The following CLCN5 variants were observed in gnomAD, a reference collection of about 807,000 sequenced individuals.
The protein encoded by CLCN5 is H(+)/Cl(-) exchange transporter 5.
A neutral mutation model predicts 54.0 loss-of-function variants in CLCN5; 17 were observed. The ratio of observed to expected loss-of-function variants is 0.31; its 90% confidence interval spans 0.22 to 0.47. CLCN5 has a LOEUF of 0.47. CLCN5 is among the 20% of genes least tolerant of loss of function. CLCN5 has a pLI of 1.00. For synonymous variants in CLCN5, 222 were observed against 233.0 expected (o/e 0.95, Z 0.43); for missense variants, 448 against 646.7 (o/e 0.69, Z 3.33).
chrX:50,067,655 C>A, intron 4 of CLCN5: 1 of 752,946 alleles, frequency 1.3e-6, no homozygotes, highest in African/African-American at 2.3e-5. Flanking sequence ...TAAAGCACTT[C>A]AGACTGGGGC....
In CLCN5 at chrX:50,095,967, A is replaced by G. The variant is rs782207290; in HGVS notation, c.*3748A>G. 3 of 112,121 alleles carry G rather than the reference A, an allele frequency of 2.7e-5. No homozygotes were observed. The highest frequency in any genetic ancestry group is 3.8e-5 in the Non-Finnish European group (2 of 53,226). 9.2% of individuals were successfully genotyped at this position (112,121 alleles called of 1,213,427 possible). On this transcript the variant is annotated 3_prime_UTR_variant, in exon 15 of 15. Coordinates refer to ENST00000376091, the MANE Select transcript of CLCN5 (RefSeq NM_001127898.4). The stretch of plus-strand genomic sequence containing the variant: ...TTGTTTTTAAATAATGAACAGTGCA[A>G]TCTTTGAACTTGAGTTTTTAATAAT...
Position 50,090,326 on chromosome X carries a change from C to A in CLCN5, c.1955C>A (p.Ala652Glu). ...AKEEFAHKTL[A>E]MDVMKPRRND... ...GAAGAGTTTGCTCATAAGACCCTGG[C>A]AATGGATGTGATGAAACCCCGGAGA... is the stretch of plus-strand genomic sequence containing the variant. The change falls in exon 13 of 15, where the codon GCA becomes GAA. Residue 652 changes from alanine (A) to glutamate (E), a missense_variant. Ala to Glu is a moderately radical substitution (Grantham distance 107, BLOSUM62 -1). Transcript: ENST00000376091. 8.3e-7 allele frequency: 1 copy of A among 1,211,109 alleles called. No homozygotes were observed. Among genetic ancestry groups the A allele is most frequent in the Non-Finnish European group, 1.1e-6 (1 of 895,025 alleles).
chrX:50,040,743 G>T (rs1397699068), intron 3 of CLCN5, among the ~76,000 whole-genome samples: 1 of 111,372 alleles, frequency 9.0e-6, no homozygotes, highest in Non-Finnish European at 1.9e-5. Flanking sequence ...CCAAGTCTTT[G>T]CCAATCAATC....
intron 3 of CLCN5, among the ~76,000 whole-genome samples, chrX:49,994,981 G>A (rs1929441303): frequency 8.9e-6 from 1 of 112,119 alleles, no homozygotes; most frequent in Non-Finnish European, 1.9e-5. Context: ...TCCCCAGATT[G>A]TCTAATTTGT....
chrX:50,079,860 G>C (rs2147574691), intron 7 of CLCN5, among the ~76,000 whole-genome samples: 1 of 111,139 alleles, frequency 9.0e-6, no homozygotes, highest in Admixed American at 9.6e-5. Context: ...AATAAGTCTA[G>C]AGAGGTAATG....
At chrX:49,953,946 C>T (rs946268973) in intron 3 of CLCN5, among the ~76,000 whole-genome samples, 13 of 111,406 alleles carry the variant, frequency 1.2e-4, no homozygotes, top group African/African-American at 3.3e-4. Context: ...TTAGTTACGA[C>T]GATGTTGGAC....
At chrX:50,007,467 CACACACAG>C (rs1381671257) in intron 3 of CLCN5, among the ~76,000 whole-genome samples, 8 of 105,797 alleles carry the variant, frequency 7.6e-5, no homozygotes, top group African/African-American at 3.0e-4. Flanking sequence ...CACACACACA[CACACACAG>C]AGAGAGTGGA....
At position 49,998,087 on chromosome X, in the gene CLCN5, C is replaced by T. The variant is rs1278123276; in HGVS notation, c.17-44229C>T. On this transcript the variant is annotated intron_variant, in intron 3 of 14. Coordinates refer to ENST00000376091, the MANE Select transcript of CLCN5 (RefSeq NM_001127898.4). ...AGTTAACATTTGGCACTGGCAGTGT[C>T]CAGACACTGAGCTCAGCACTGGTCA... Among the ~76,000 whole-genome samples, 4 of 110,971 alleles carry T rather than the reference C, an allele frequency of 3.6e-5. No homozygotes were observed. The East Asian group carries it at 1.1e-3, about 32-fold the overall frequency.
chrX:50,019,742 C>T (rs1557184128), intron 3 of CLCN5, among the ~76,000 whole-genome samples: 2 of 17,798 alleles, frequency 1.1e-4, no homozygotes, highest in African/African-American at 5.0e-4. Context: ...GTTTTTTGTT[C>T]TTGCGATAGT....
At position 50,029,444 on chromosome X, in the gene CLCN5, T is replaced by C. The variant is rs782687402; in HGVS notation, c.17-12872T>C. ...TGCAATAGTTTGCTGAGAATGATGG[T>C]TTCCAGCTTCATCCATGTCCCTACA... On this transcript the variant is annotated intron_variant, in intron 3 of 14. Transcript: ENST00000376091. Among the ~76,000 whole-genome samples, 40 of 110,472 alleles carry C rather than the reference T, an allele frequency of 3.6e-4. No homozygotes were observed. In the South Asian group the frequency reaches 0.016, roughly 44 times the overall value.
intron 3 of CLCN5, among the ~76,000 whole-genome samples, chrX:49,961,632 A>T (rs1477485903): frequency 8.9e-6 from 1 of 112,202 alleles, no homozygotes; most frequent in African/African-American, 3.2e-5. Context: ...TGTTTCAAGC[A>T]TCCTAATAAC....
intron 3 of CLCN5, among the ~76,000 whole-genome samples, chrX:49,999,134 G>A (rs1043344619): frequency 9.0e-6 from 1 of 110,691 alleles, no homozygotes; most frequent in Non-Finnish European, 1.9e-5. Flanking sequence ...CACAGATGAT[G>A]CACACAGGAG....
chrX:50,002,717 G>GGT (rs1557180645), intron 3 of CLCN5, among the ~76,000 whole-genome samples: 3 of 105,949 alleles, frequency 2.8e-5, no homozygotes, highest in African/African-American at 7.0e-5. Context: ...GTGTGTGTGT[G>GGT]GTGTGTGTGT....
chrX:49,950,634 T>TA (rs1417156879), intron 3 of CLCN5, among the ~76,000 whole-genome samples: 1 of 111,843 alleles, frequency 8.9e-6, no homozygotes, highest in Non-Finnish European at 1.9e-5. Flanking sequence ...GACAGCATGA[T>TA]AAAAAAATGT....
At chrX:49,965,157 G>C (rs1451409487) in intron 3 of CLCN5, among the ~76,000 whole-genome samples, 3 of 111,544 alleles carry the variant, frequency 2.7e-5, no homozygotes, top group Non-Finnish European at 3.8e-5. Flanking sequence ...AGGAGCATCA[G>C]AGTAACAAAG....
At chrX:49,974,823 G>A (rs181600266) in intron 3 of CLCN5, among the ~76,000 whole-genome samples, 185 of 112,179 alleles carry the variant, frequency 1.6e-3, no homozygotes, top group African/African-American at 5.8e-3. Context: ...TGCAAGAGGT[G>A]GAAGGATGGT....
chrX:49,969,039 A>C (rs1444060808), intron 3 of CLCN5, among the ~76,000 whole-genome samples: 6 of 110,183 alleles, frequency 5.4e-5, no homozygotes, highest in Non-Finnish European at 9.5e-5. Context: ...AAATTTCTTC[A>C]GGTGCAAGCT....
intron 3 of CLCN5, among the ~76,000 whole-genome samples, chrX:49,994,201 T>G (rs1303123293): frequency 9.0e-6 from 1 of 111,450 alleles, no homozygotes; most frequent in African/African-American, 3.3e-5. Context: ...TTTTATTTGG[T>G]GGTAATTTAA....
At chrX:50,055,450 C>G (rs1418520323) in intron 4 of CLCN5, among the ~76,000 whole-genome samples, 1 of 111,567 alleles carries the variant, frequency 9.0e-6, no homozygotes, top group Non-Finnish European at 1.9e-5. Context: ...ACACTTTGTT[C>G]TTATTTAAAA....
Sources: allele counts gnomAD v4.1 joint callset (sites outside exome capture counted in the v4.1 genomes callset), GRCh38; gene constraint gnomAD v4.1.1; transcripts MANE v1.5; gene names NCBI Gene and HGNC (gene_info 2026-07-23, HGNC 2026-07-21).